The following DAB1 variants were observed in gnomAD, a reference collection of about 807,000 sequenced individuals.
DAB1 encodes DAB adaptor protein 1.
A neutral mutation model predicts 64.6 loss-of-function variants in DAB1; 15 were observed. The ratio of observed to expected loss-of-function variants is 0.23; its 90% confidence interval spans 0.16 to 0.36. DAB1 has a LOEUF of 0.36. DAB1 is among the 10% of genes least tolerant of loss of function. The pLI is 1.00. For synonymous variants in DAB1, 235 were observed against 251.9 expected, an observed-to-expected ratio of 0.93 and a Z score of 0.64; for missense variants, 596 against 706.7, an observed-to-expected ratio of 0.84 and a Z score of 1.78.
At chr1:57,678,484 A>T (rs754935423) in intron 6 of DAB1, among the ~76,000 whole-genome samples, 5 of 152,134 alleles carry the variant, frequency 3.3e-5, no homozygotes, top group Non-Finnish European at 7.3e-5. Flanking sequence ...TGCCTCAATA[A>T]CTAATGTAAT....
At chr1:58,122,597 TAA>T (rs145918583) in intron 5 of DAB1, among the ~76,000 whole-genome samples, 3 of 147,440 alleles carry the variant, frequency 2.0e-5, no homozygotes, top group Admixed American at 6.8e-5. Context: ...TTATTTGTTG[TAA>T]AAAAAAAAAA....
At chr1:57,053,688 A>ATTTTTTTTTTTTTTTT (rs61374333) in intron 9 of DAB1, among the ~76,000 whole-genome samples, 1 of 71,422 alleles carries the variant, frequency 1.4e-5, no homozygotes, top group African/African-American at 5.5e-5. Flanking sequence ...ATATATATAT[A>ATTTTTTTTTTTTTTTT]TTTTTTTTTT....
chr1:57,064,337 C>T (rs1391238302), intron 8 of DAB1, among the ~76,000 whole-genome samples: 1 of 152,160 alleles, frequency 6.6e-6, no homozygotes, highest in African/African-American at 2.4e-5. Context: ...CAGGTTCAAA[C>T]CCAGCTCTTT....
chr1:57,925,478 T>G (rs1453850502), intron 5 of DAB1, among the ~76,000 whole-genome samples: 1 of 152,202 alleles, frequency 6.6e-6, no homozygotes, highest in Non-Finnish European at 1.5e-5. Context: ...ATTCACTCTC[T>G]AAACATTTAT....
At chr1:58,212,659 A>G (rs1367090042) in intron 4 of DAB1, among the ~76,000 whole-genome samples, 1 of 152,164 alleles carries the variant, frequency 6.6e-6, no homozygotes, top group African/African-American at 2.4e-5. Flanking sequence ...GGGGAAACTT[A>G]AACTCATCTT....
At chr1:58,155,778 G>C (rs1401089628) in intron 4 of DAB1, among the ~76,000 whole-genome samples, 1 of 152,236 alleles carries the variant, frequency 6.6e-6, no homozygotes, top group African/African-American at 2.4e-5. Flanking sequence ...GCACGTTGCA[G>C]GTGATGAGCA....
intron 5 of DAB1, among the ~76,000 whole-genome samples, chr1:57,932,622 T>C (rs1164207495): frequency 6.6e-6 from 1 of 152,162 alleles, no homozygotes; most frequent in African/African-American, 2.4e-5. Context: ...TATTCTATTG[T>C]TGAGTGCCTG....
rs891402372 is a variant in DAB1, at chr1:57,830,050, G to A, written n.88-3595C>T. On this transcript the variant is annotated intron_variant and non_coding_transcript_variant, in intron 1 of 1. Transcript: ENST00000477280. ...TCTCTCCTGCTCTGCTATGAGAACT[G>A]GCCAGACAAGGACTGCTATCTTGTG... 4.9e-4 allele frequency among the ~76,000 whole-genome samples: 75 copies of A among 152,230 alleles called. 1 individual carries two copies. Among genetic ancestry groups the A allele is most frequent in the African/African-American group, 1.7e-3 (71 of 41,546 alleles).
intron 4 of DAB1, among the ~76,000 whole-genome samples, chr1:58,154,937 A>C (rs1163631888): frequency 2.0e-5 from 3 of 152,216 alleles, no homozygotes; most frequent in Admixed American, 6.5e-5. Flanking sequence ...CAATTGCAAG[A>C]AGCAGCTACT....
intron 4 of DAB1, among the ~76,000 whole-genome samples, chr1:58,218,989 T>TTCTCTCTCTCTCTC (rs1049058578): frequency 7.9e-4 from 100 of 125,876 alleles, no homozygotes; most frequent in African/African-American, 1.6e-3. Flanking sequence ...ATTCTGGCCA[T>TTCTCTCTCTCTCTC]TCTCTCTCTC....
chr1:57,682,697 G>A (rs1173302079), intron 6 of DAB1, among the ~76,000 whole-genome samples: 1 of 152,146 alleles, frequency 6.6e-6, no homozygotes, highest in Admixed American at 6.5e-5. Context: ...GGGGTAGGCA[G>A]AGACAAGGCT....
chr1:57,031,643 G>A (rs1472763261), intron 9 of DAB1, among the ~76,000 whole-genome samples: 1 of 152,176 alleles, frequency 6.6e-6, no homozygotes, highest in East Asian at 1.9e-4. Context: ...CCAGCATCTT[G>A]TTCATCGATC....
In DAB1 at chr1:57,732,151, T is replaced by G. The variant is rs558202096; in HGVS notation, n.552-82486A>C. 4.8e-3 allele frequency among the ~76,000 whole-genome samples: 733 copies of G among 152,012 alleles called. 7 individuals carry two copies. The highest frequency in any genetic ancestry group is 0.017 in the African/African-American group (706 of 41,486). Reference sequence around the variant, plus strand: ...ACAGTGGTGGTGGAGTCAGCTGATCTGGTTGAAAATCCCAGGGCAATTATT... The same window carrying G: ...ACAGTGGTGGTGGAGTCAGCTGATCGGGTTGAAAATCCCAGGGCAATTATT... On this transcript the variant is annotated intron_variant and non_coding_transcript_variant, in intron 6 of 20. Coordinates refer to the DAB1 transcript ENST00000485760.
At chr1:57,984,954 G>A (rs946035052) in intron 5 of DAB1, among the ~76,000 whole-genome samples, 4 of 151,984 alleles carry the variant, frequency 2.6e-5, no homozygotes, top group African/African-American at 9.7e-5. Context: ...TGTCACCCAG[G>A]CTATAGCACA....
upstream of DAB1, among the ~76,000 whole-genome samples, chr1:57,424,600 C>T (rs748856875): frequency 1.8e-4 from 28 of 152,178 alleles, no homozygotes; most frequent in Non-Finnish European, 2.9e-4. Flanking sequence ...TTATCCAAGC[C>T]TCGAAAACAT....
intron 7 of DAB1, among the ~76,000 whole-genome samples, chr1:57,605,238 T>C (rs1465207640): frequency 6.6e-6 from 1 of 152,224 alleles, no homozygotes; most frequent in Non-Finnish European, 1.5e-5. Flanking sequence ...TTTATTTCTG[T>C]CTTCCCAGTA....
intron 6 of DAB1, among the ~76,000 whole-genome samples, chr1:57,746,773 T>G (rs780302405): frequency 5.9e-4 from 90 of 152,194 alleles, no homozygotes; most frequent in Non-Finnish European, 8.2e-4. Context: ...TATTTTGTAT[T>G]GTTATATTGT....
chr1:58,216,349 G>A (rs929795858), intron 4 of DAB1, among the ~76,000 whole-genome samples: 1 of 152,160 alleles, frequency 6.6e-6, no homozygotes, highest in Admixed American at 6.5e-5. Flanking sequence ...TCCTTGCAAA[G>A]GACTTGAACT....
chr1:57,487,613 T>C (rs951782), intron 7 of DAB1, among the ~76,000 whole-genome samples: 1 of 152,208 alleles, frequency 6.6e-6, no homozygotes, highest in African/African-American at 2.4e-5. Flanking sequence ...CCCTCTGAAA[T>C]TGTTTTACAA....
Sources: gnomAD v4.1 joint callset for allele counts (sites outside exome capture counted in the v4.1 genomes callset) on GRCh38, gnomAD v4.1.1 for gene constraint, MANE v1.5 for transcripts, NCBI Gene and HGNC (gene_info 2026-07-23, HGNC 2026-07-21) for gene names.